KDM5B: variants seen among roughly 807,000 people sequenced by gnomAD.
The protein encoded by KDM5B is lysine-specific demethylase 5B.
In KDM5B, 144 loss-of-function variants were observed where a neutral mutation model predicts 193.4. That is an observed-to-expected ratio of 0.74 (90% CI 0.65 to 0.86). KDM5B has a LOEUF of 0.86. KDM5B is among the 40% of genes least tolerant of loss of function. KDM5B has a pLI of 0.00. For missense variants in KDM5B, 1,833 were observed against 1,886.9 expected, an observed-to-expected ratio of 0.97 and a Z score of 0.53; for synonymous variants, 668 against 682.6, an observed-to-expected ratio of 0.98 and a Z score of 0.33.
At chr1:202,785,560 A>C (rs1360751241) in intron 1 of KDM5B, among the ~76,000 whole-genome samples, 2 of 151,086 alleles carry the variant, frequency 1.3e-5, no homozygotes, top group Non-Finnish European at 2.9e-5. Context: ...GGGTTAAGTA[A>C]AATAATACAG....
Position 202,733,598 on chromosome 1 carries a change from A to G in KDM5B, c.3712T>C (p.Ser1238Pro), listed in dbSNP as rs779001536. ...AGGCGAACTCGGATACGCTGAAGGG[A>G]GGCGAGCAGGGGCAGAATTTTCTCT... ...PLEKILPLLA[S>P]LQRIRVRLPE... The change falls in exon 23 of 27, where the codon TCC (serine) becomes CCC (proline). Residue 1238 changes from serine (S) to proline (P), a missense_variant. By Grantham distance (74) the Ser-to-Pro change is moderately conservative (BLOSUM62 -1). Around this residue, in one of 3 missense-constraint regions of KDM5B, gnomAD observed 1,379 missense variants for 1,349.6 expected, o/e 1.02. Coordinates refer to ENST00000367265, the MANE Select transcript of KDM5B (RefSeq NM_006618.5). The G allele has an allele frequency of 4.3e-6, 7 of 1,614,034 alleles. No homozygotes were observed.
At chr1:202,745,801 C>T in intron 16 of KDM5B, 57 bp downstream of exon 16, 2 of 1,594,040 alleles carry the variant, frequency 1.3e-6, no homozygotes. Flanking sequence ...TTTAATTTGG[C>T]TACATCACAA....
At chr1:202,769,456 G>A (rs923863521) in intron 4 of KDM5B, among the ~76,000 whole-genome samples, 10 of 151,394 alleles carry the variant, frequency 6.6e-5, no homozygotes, top group African/African-American at 2.2e-4. Flanking sequence ...GATCACTTGA[G>A]GTCAGGAGTT....
intron 1 of KDM5B, among the ~76,000 whole-genome samples, chr1:202,778,312 C>CAT (rs1423048546): frequency 6.6e-6 from 1 of 151,968 alleles, no homozygotes; most frequent in Admixed American, 6.6e-5. Context: ...CACACACACA[C>CAT]ATATATGTAT....
rs1189020691 is a variant in KDM5B at position 202,725,125 on chromosome 1, T to C, written c.*3911A>G. Reference sequence around the variant, plus strand: ...AAACTCACCACTTTCTAGCCCTTCATCCTTGCAAAATTAACCCAGAACACA... The same window carrying C: ...AAACTCACCACTTTCTAGCCCTTCACCCTTGCAAAATTAACCCAGAACACA... On this transcript the variant is annotated 3_prime_UTR_variant, in exon 27 of 27. Transcript: ENST00000367265. The C allele has an allele frequency of 2.0e-5, 3 of 152,216 alleles. No homozygotes were observed. The highest frequency in any genetic ancestry group is 4.4e-5 in the Non-Finnish European group (3 of 68,036). 9.4% of individuals were successfully genotyped at this position (152,216 alleles called of 1,614,324 possible). A position where few individuals can be genotyped will look rare whatever the true frequency, so the allele number is the denominator to read the frequency against.
At chr1:202,729,350 C>A in intron 26 of KDM5B, 177 bp from the exon 27 acceptor site, 1 of 675,828 alleles carries the variant, frequency 1.5e-6, no homozygotes, top group Non-Finnish European at 2.5e-6. Flanking sequence ...CCAAAGCAAC[C>A]GAGTCAAAGT....
chr1:202,801,617 CATTT>C (rs1658077077), intron 1 of KDM5B, among the ~76,000 whole-genome samples: 1 of 152,086 alleles, frequency 6.6e-6, no homozygotes. Context: ...TTTAATTTTT[CATTT>C]AATTTTTATT....
In KDM5B at chr1:202,724,890, G is replaced by C. The variant is rs1349414463; in HGVS notation, c.*4146C>G. 1.3e-5 allele frequency: 2 copies of C among 152,218 alleles called. No individual in the cohort carries two copies. Among genetic ancestry groups the C allele is most frequent in the Non-Finnish European group, 2.9e-5 (2 of 68,034 alleles). The allele number at this position is 152,218 out of a possible 1,614,324, so 9.4% of individuals were successfully genotyped here. On this transcript the variant is annotated 3_prime_UTR_variant, in exon 27 of 27. Transcript: ENST00000367265. ...CAGGAGCTAAAAGTTTTGGTGTTTA[G>C]AGGGGTGCCTTTGGACATTTATTTT...
chr1:202,789,384 G>A (rs922822563), intron 1 of KDM5B, among the ~76,000 whole-genome samples: 8 of 150,828 alleles, frequency 5.3e-5, no homozygotes, highest in Admixed American at 2.0e-4. Flanking sequence ...AGCGGGACGC[G>A]GTGGTGGGCG....
Position 202,808,201 on chromosome 1 carries a change from G to A in KDM5B, c.105C>T (p.Phe35=). ...CCGCGAACTCTTCCCAGCTGGGTTC[G>A]AAGACCGGGCACTCGGGTGGAGGCA... ...EFLPPPECPV[F]EPSWEEFADP... Residue 35 remains phenylalanine, a synonymous_variant, in exon 1 of 27, where the codon TTC becomes TTT. Transcript: ENST00000367265. 6.2e-7 allele frequency: 1 copy of A among 1,613,044 alleles called. No individual in the cohort carries two copies. Among genetic ancestry groups the A allele is most frequent in the Non-Finnish European group, 8.5e-7 (1 of 1,179,566 alleles).
intron 4 of KDM5B, among the ~76,000 whole-genome samples, chr1:202,770,983 CTT>C (rs1656688570): frequency 6.6e-6 from 1 of 152,126 alleles, no homozygotes; most frequent in Non-Finnish European, 1.5e-5. Flanking sequence ...TACTTAAGTG[CTT>C]TTTAACCATA....
At chr1:202,774,781 A>G (rs1300712268) in intron 2 of KDM5B, 46 bp from the exon 3 acceptor site, 1 of 1,574,462 alleles carries the variant, frequency 6.4e-7, no homozygotes, top group Non-Finnish European at 8.7e-7. Flanking sequence ...GCTTATTTTA[A>G]AGCTCCTATT....
chr1:202,756,751 C>A (rs781751904), intron 9 of KDM5B, among the ~76,000 whole-genome samples: 2 of 152,102 alleles, frequency 1.3e-5, no homozygotes, highest in African/African-American at 2.4e-5. Flanking sequence ...TATTTATGAC[C>A]GGGAGATATT....
intron 3 of KDM5B, 97 bp downstream of exon 3, chr1:202,774,516 C>T: frequency 8.4e-7 from 1 of 1,184,106 alleles, no homozygotes; most frequent in Non-Finnish European, 1.2e-6. Context: ...GTGCGAGCCA[C>T]CTGGCTGAGC....
Position 202,728,785 on chromosome 1 carries a change from C to A in KDM5B, c.*251G>T, listed in dbSNP as rs1572700479. 2.9e-6 allele frequency: 1 copy of A among 343,678 alleles called. No homozygotes were observed. The highest frequency in any genetic ancestry group is 5.0e-5 in the East Asian group (1 of 19,974). 21.3% of individuals were successfully genotyped at this position (343,678 alleles called of 1,614,324 possible). A position where few individuals can be genotyped will look rare whatever the true frequency, so the allele number is the denominator to read the frequency against. Reference sequence around the variant, plus strand: ...TTGGTGGGAACCCCTGCAAAAAAAACAGTCAGCTTTTCAAACCTCAACAAC... The same window carrying A: ...TTGGTGGGAACCCCTGCAAAAAAAAAAGTCAGCTTTTCAAACCTCAACAAC... On this transcript the variant is annotated 3_prime_UTR_variant, in exon 27 of 27. Transcript: ENST00000367265.
rs903286321 is a variant in KDM5B, at chr1:202,808,142, A to G, written c.164T>C (p.Ile55Thr). 1 of 1,612,778 alleles carries G rather than the reference A, an allele frequency of 6.2e-7. No individual in the cohort carries two copies. The change falls in exon 1 of 27, where the codon ATA becomes ACA. Residue 55 changes from isoleucine (I) to threonine (T), a missense_variant. Physicochemically the swap from Ile to Thr is moderately conservative, Grantham distance 89. This residue lies in a region of KDM5B where 355 missense variants were observed against 374.9 expected (regional missense o/e 0.95). Coordinates refer to ENST00000367265, the MANE Select transcript of KDM5B (RefSeq NM_006618.5). ...CTTACAGATGCCAGTCTGCTCGGCT[A>G]TGGGCCGGATCTTGTGGATGAAAGC... The part of the protein sequence containing the change: ...PFAFIHKIRP[I>T]AEQTGICKVR...
chr1:202,772,173 T>C (rs1039230848), intron 4 of KDM5B, among the ~76,000 whole-genome samples: 6 of 152,352 alleles, frequency 3.9e-5, no homozygotes, highest in East Asian at 1.9e-4. Context: ...CTTAAAGTTA[T>C]AGGACTCACT....
chr1:202,733,268 T>C, intron 23 of KDM5B, 133 bp downstream of exon 23: 1 of 911,458 alleles, frequency 1.1e-6, no homozygotes, highest in South Asian at 1.7e-5. Flanking sequence ...AGTGGGAAGC[T>C]ACAGGTAAAG....
chr1:202,742,105 A>C (rs1054395767), intron 18 of KDM5B, among the ~76,000 whole-genome samples: 1 of 151,854 alleles, frequency 6.6e-6, no homozygotes, highest in Non-Finnish European at 1.5e-5. Context: ...TGAACTCCTG[A>C]CCTCATGATC....
Sources: allele counts gnomAD v4.1 joint callset (sites outside exome capture counted in the v4.1 genomes callset), GRCh38; gene constraint gnomAD v4.1.1; regional missense constraint gnomAD v4.1.1; transcripts MANE v1.5; gene names NCBI Gene and HGNC (gene_info 2026-07-23, HGNC 2026-07-21).